NEB: variants seen among roughly 807,000 people sequenced by gnomAD.
NEB encodes the protein nebulin, also known as nemaline myopathy type 2.
A neutral mutation model predicts 952.2 loss-of-function variants in NEB; 512 were observed. That is an observed-to-expected ratio of 0.54 (90% confidence interval 0.50 to 0.58). The LOEUF (loss-of-function observed/expected upper bound fraction) is 0.58, where lower values mean the gene tolerates loss of function less well. NEB is among the 20% of genes least tolerant of loss of function. The pLI is 0.00. For missense variants in NEB, 8,428 were observed against 9,231.1 expected, an observed-to-expected ratio of 0.91 and a Z score of 3.56; for synonymous variants, 2,900 against 3,149.8, an observed-to-expected ratio of 0.92 and a Z score of 2.66.
At chr2:151,563,576 A>G in intron 119 of NEB, 30 bp downstream of exon 119, 1 of 1,573,812 alleles carries the variant, frequency 6.4e-7, no homozygotes, top group South Asian at 1.1e-5. Context: ...ATGGGGCACA[A>G]ATCCCGTGTT....
In NEB at chr2:151,688,391, A is replaced by G; in HGVS notation, c.2316T>C (p.Asn772=). 2 of 1,612,490 alleles carry G rather than the reference A, an allele frequency of 1.2e-6. No homozygotes were observed. The highest frequency in any genetic ancestry group is 2.7e-5 in the African/African-American group (2 of 75,006). The part of the protein sequence containing the change: ...QLNTKQLSDL[N]YKAKHEGEKF... Reference sequence around the variant, plus strand: ...TCTCACCTTCATGTTTTGCTTTGTAATTCAGCTGAAAAACAAAGGATATTT... The same window carrying G: ...TCTCACCTTCATGTTTTGCTTTGTAGTTCAGCTGAAAAACAAAGGATATTT... The change falls in exon 25 of 182, where the codon AAT becomes AAC. Residue 772 remains asparagine, a synonymous_variant. Coordinates refer to ENST00000397345, the MANE Select transcript of NEB (RefSeq NM_001164508.2).
chr2:151,696,344 C>T (rs1433126607), intron 17 of NEB, among the ~76,000 whole-genome samples: 1 of 152,134 alleles, frequency 6.6e-6, no homozygotes, highest in African/African-American at 2.4e-5. Flanking sequence ...TCTTTGGCCA[C>T]CCAGACATCA....
chr2:151,617,472 CAA>C lies in NEB; in HGVS notation c.11077-6_11077-5del, dbSNP rs749915004. 19,546 of 768,458 alleles carry C rather than the reference CAA, an allele frequency of 0.025. No individual in the cohort carries two copies. The highest frequency in any genetic ancestry group is 0.033 in the South Asian group (1,238 of 37,082). 47.6% of individuals were successfully genotyped at this position (768,458 alleles called of 1,614,324 possible). A position where few individuals can be genotyped will look rare whatever the true frequency, so the allele number is the denominator to read the frequency against. Reference sequence around the variant, plus strand: ...CCCAGGCTTCAGTATATAAGCGCTACAAAAAAAAAAAAAAAAGAGAGAGAGAG... The same window carrying C: ...CCCAGGCTTCAGTATATAAGCGCTACAAAAAAAAAAAAAAGAGAGAGAGAG... On this transcript the variant is annotated splice_region_variant and splice_polypyrimidine_tract_variant and intron_variant, in intron 74 of 181. Transcript: ENST00000397345.
chr2:151,678,551 A>G (rs2148519441), intron 32 of NEB, among the ~76,000 whole-genome samples: 1 of 152,372 alleles, frequency 6.6e-6, no homozygotes, highest in South Asian at 2.1e-4. Context: ...ACATTGTGCT[A>G]CTAGAGTACA....
intron 128 of NEB, among the ~76,000 whole-genome samples, chr2:151,552,241 G>A (rs2095381278): frequency 6.6e-6 from 1 of 152,180 alleles, no homozygotes; most frequent in African/African-American, 2.4e-5. Flanking sequence ...AGAATGGGAG[G>A]CTCAGATGGA....
Position 151,650,245 on chromosome 2 carries a change from G to A in NEB, c.7362C>T (p.Asn2454=). ...EKKYRQPPDR[N]KFTSIPDAMD... is the part of the protein sequence containing the mutation. ...TGGCATCAGGAATGCTGGTGAACTT[G>A]TTTCTGTCTGGAGGCTGACGATATT... Residue 2454 remains asparagine (N), a synonymous_variant, in exon 54 of 182, where the codon AAC becomes AAT. Coordinates refer to ENST00000397345, the MANE Select transcript of NEB (RefSeq NM_001164508.2). The A allele has an allele frequency of 1.2e-6, 2 of 1,613,884 alleles. No individual in the cohort carries two copies. Among genetic ancestry groups the A allele is most frequent in the Non-Finnish European group, 1.7e-6 (2 of 1,179,842 alleles).
chr2:151,646,124 A>C lies in NEB; in HGVS notation c.7536+6T>G, dbSNP rs747654975. The C allele has an allele frequency of 6.4e-7, 1 of 1,561,130 alleles. No homozygotes were observed. The highest frequency in any genetic ancestry group is 1.2e-5 in the South Asian group (1 of 83,308). On this transcript the variant is annotated splice_donor_region_variant and intron_variant, in intron 55 of 181. Transcript: ENST00000397345. ...CTGAAAACACATGCTGAATTTGAAA[A>C]CTTACATCACTTGTGTTGATTAAGT...
intron 155 of NEB, 87 bp downstream of exon 155, chr2:151,518,878 C>A: frequency 1.2e-6 from 1 of 809,996 alleles, no homozygotes; most frequent in Non-Finnish European, 2.1e-6. Context: ...GTATCAGTAG[C>A]AGAGAAGAAG....
In NEB at chr2:151,562,811, A is replaced by G. The variant is rs370200484; in HGVS notation, c.18694-3T>C. On this transcript the variant is annotated splice_polypyrimidine_tract_variant and splice_region_variant and intron_variant, in intron 119 of 181. Transcript: ENST00000397345. ...TCATAATGTTTTCTGTAGTTCAACT[A>G]ATATGTTTTAAAGACAAAAATAAGA... 26 of 1,547,914 alleles carry G rather than the reference A, an allele frequency of 1.7e-5. No homozygotes were observed. The highest frequency in any genetic ancestry group is 2.0e-5 in the Non-Finnish European group (23 of 1,141,110).
intron 9 of NEB, among the ~76,000 whole-genome samples, chr2:151,719,853 C>T (rs1322203368): frequency 6.9e-6 from 1 of 144,434 alleles, no homozygotes; most frequent in African/African-American, 2.6e-5. Context: ...TATCACTGCA[C>T]TCCAGCCTGG....
At position 151,712,698 on chromosome 2, in the gene NEB, A is replaced by G. The variant is rs78626039; in HGVS notation, c.823-2160T>C. ...TGTGAGTAGGAGAGAATTTGAAAGG[A>G]CAAGGGTCCATAGGTGAAGGAGTGA... On this transcript the variant is annotated intron_variant, in intron 10 of 181. Transcript: ENST00000397345. Among the ~76,000 whole-genome samples the G allele has an allele frequency of 7.0e-3, 1,069 of 152,194 alleles. 22 individuals are homozygous for G. The highest frequency in any genetic ancestry group is 0.063 in the East Asian group (322 of 5,146).
chr2:151,531,748 T>G, intron 144 of NEB, 44 bp downstream of exon 144: 1 of 1,415,070 alleles, frequency 7.1e-7, no homozygotes, highest in South Asian at 1.2e-5. Context: ...TGTTTGCAGA[T>G]GCCCCCTGAG....
At chr2:151,706,631 G>C (rs1054281413) in intron 13 of NEB, among the ~76,000 whole-genome samples, 1 of 152,128 alleles carries the variant, frequency 6.6e-6, no homozygotes, top group Non-Finnish European at 1.5e-5. Flanking sequence ...TGGAGGCCCA[G>C]GTGCCCAGAG....
chr2:151,497,235 C>A, intron 171 of NEB: 3 of 816,498 alleles, frequency 3.7e-6, no homozygotes, highest in Non-Finnish European at 4.4e-6. Context: ...TCTAGAGAAG[C>A]AGGGACCTCA....
intron 145 of NEB, 38 bp from the exon 146 acceptor site, chr2:151,529,352 A>G: frequency 7.7e-7 from 1 of 1,295,564 alleles, no homozygotes; most frequent in Non-Finnish European, 1.1e-6. Flanking sequence ...TAATTTTTTT[A>G]TAGCAGCATA....
At chr2:151,522,802 C>T (rs2082793505) in intron 153 of NEB, among the ~76,000 whole-genome samples, 1 of 152,152 alleles carries the variant, frequency 6.6e-6, no homozygotes, top group Admixed American at 6.5e-5. Flanking sequence ...GATGCAGCGC[C>T]GTGCCCTCTC....
At chr2:151,610,689 A>G in intron 79 of NEB, 66 bp from the exon 80 acceptor site, 1 of 1,577,122 alleles carries the variant, frequency 6.3e-7, no homozygotes, top group Non-Finnish European at 8.7e-7. Flanking sequence ...CCAATTCCAG[A>G]AAGGAAATTG....
chr2:151,494,728 A>G (rs2058994863), intron 173 of NEB, among the ~76,000 whole-genome samples: 1 of 152,114 alleles, frequency 6.6e-6, no homozygotes, highest in African/African-American at 2.4e-5. Context: ...TGCTCACTGC[A>G]ACCTCCGCCT....
At chr2:151,572,752 C>T (rs774125775) in intron 107 of NEB, among the ~76,000 whole-genome samples, 1 of 150,256 alleles carries the variant, frequency 6.7e-6, no homozygotes, top group Non-Finnish European at 1.5e-5. Flanking sequence ...TCATTCATCA[C>T]GTTGGCCAGG....
Sources: allele counts gnomAD v4.1 joint callset (sites outside exome capture counted in the v4.1 genomes callset), GRCh38; gene constraint gnomAD v4.1.1; transcripts MANE v1.5; gene names NCBI Gene and HGNC (gene_info 2026-07-23, HGNC 2026-07-21).